Variants in CLGN observed in about 807,000 individuals in gnomAD.
The protein encoded by CLGN is testis tissue sperm-binding protein Li 79P.
Under a neutral mutation model 79.1 loss-of-function variants are expected in CLGN, and 62 were observed. The ratio of observed to expected loss-of-function variants is 0.78; its 90% confidence interval spans 0.64 to 0.97. The LOEUF is 0.97. CLGN is among the 50% of genes least tolerant of loss of function. The pLI is 0.00. For synonymous variants in CLGN, 225 were observed against 224.7 expected, an observed-to-expected ratio of 1.00 and a Z score of -0.01; for missense variants, 647 against 715.5, an observed-to-expected ratio of 0.90 and a Z score of 1.09.
chr4:140,401,875 T>C, intron 6 of CLGN, 110 bp downstream of exon 6: 3 of 638,094 alleles, frequency 4.7e-6, no homozygotes, highest in Non-Finnish European at 8.0e-6. Context: ...AAAAGATATC[T>C]ACAATTCTTT....
At chr4:140,412,600 C>T (rs1187316229) in intron 2 of CLGN, among the ~76,000 whole-genome samples, 2 of 152,106 alleles carry the variant, frequency 1.3e-5, no homozygotes, top group East Asian at 3.9e-4. Context: ...ATTATATAGC[C>T]TTTTATTTGA....
At chr4:140,400,327 T>A (rs1214491041) in intron 7 of CLGN, 30 bp downstream of exon 7, 1 of 1,490,426 alleles carries the variant, frequency 6.7e-7, no homozygotes, top group East Asian at 2.3e-5. Context: ...CAAATATTTT[T>A]GAATACATGA....
chr4:140,422,092 T>C (rs543235705), intron 1 of CLGN, among the ~76,000 whole-genome samples: 65 of 152,278 alleles, frequency 4.3e-4, no homozygotes, highest in Non-Finnish European at 8.4e-4. Context: ...TGAACATATA[T>C]GTGGGAATTT....
rs199546559 is a variant in CLGN at position 140,402,001 on chromosome 4, G to A, written c.485C>T (p.Thr162Ile). The change falls in exon 6 of 15, where the codon ACT (threonine) becomes ATT (isoleucine). Residue 162 changes from threonine to isoleucine, a missense_variant. By Grantham distance (89) the Thr-to-Ile change is moderately conservative. Coordinates refer to ENST00000325617, the MANE Select transcript of CLGN (RefSeq NM_004362.3). ...GGAYIKLLAD[T>I]DDLILENFYD... ...ATATCATACCAGAATCAAATCATCA[G>A]TGTCTGCTAGGAGTTTAATGTATGC... 72 of 1,554,846 alleles carry A rather than the reference G, an allele frequency of 4.6e-5. 1 individual carries two copies. The highest frequency in any genetic ancestry group is 3.7e-4 in the African/African-American group (27 of 72,538).
At chr4:140,421,352 A>AT (rs201739527) in intron 1 of CLGN, among the ~76,000 whole-genome samples, 297 of 150,886 alleles carry the variant, frequency 2.0e-3, no homozygotes, top group African/African-American at 4.6e-3. Context: ...TGATAATTCT[A>AT]TTTTTTTTTG....
chr4:140,400,445 AGTTTTGGGAT>A lies in CLGN; in HGVS notation c.596_605del (p.His199LeufsTer14), dbSNP rs746137588. On this transcript the variant is annotated frameshift_variant, in exon 7 of 15. Transcript: ENST00000325617. LOFTEE classifies it high-confidence loss of function. Reference sequence around the variant, plus strand: ...TGGCATGTTTCTCTTCGAAAACTCCAGTTTTGGGATGTTTATGTCTGAAGATAAAATGAAG... The same window carrying A: ...TGGCATGTTTCTCTTCGAAAACTCCAGTTTATGTCTGAAGATAAAATGAAG... The A allele has an allele frequency of 6.2e-7, 1 of 1,612,402 alleles. No individual in the cohort carries two copies. The highest frequency in any genetic ancestry group is 2.2e-5 in the East Asian group (1 of 44,790).
rs1729422906 is a variant in CLGN, at chr4:140,419,619, G to A, written c.-9-6532C>T. 2.6e-5 allele frequency among the ~76,000 whole-genome samples: 4 copies of A among 152,168 alleles called. No homozygotes were observed. In the South Asian group the frequency reaches 8.3e-4, roughly 32 times the overall value. On this transcript the variant is annotated intron_variant, in intron 1 of 14. Transcript: ENST00000325617. Reference sequence around the variant, plus strand: ...TACTAAAATCAAAGCACATTCAAAAGATCAAACAAATATAGGGCTTATTGT... The same window carrying A: ...TACTAAAATCAAAGCACATTCAAAAAATCAAACAAATATAGGGCTTATTGT...
intron 11 of CLGN, 133 bp downstream of exon 11, chr4:140,393,693 A>G: frequency 1.3e-6 from 1 of 754,862 alleles, no homozygotes; most frequent in East Asian, 2.7e-5. Context: ...AACTTATTCA[A>G]ACACATTTCC....
chr4:140,394,296 C>T (rs1458935214), intron 10 of CLGN, among the ~76,000 whole-genome samples: 5 of 152,026 alleles, frequency 3.3e-5, no homozygotes, highest in Admixed American at 1.3e-4. Context: ...TAAACAGAAA[C>T]GTGAATAAAT....
intron 10 of CLGN, among the ~76,000 whole-genome samples, chr4:140,394,354 TTC>T (rs1728830628): frequency 6.6e-6 from 1 of 152,208 alleles, no homozygotes; most frequent in African/African-American, 2.4e-5. Flanking sequence ...AGTAAAGTTA[TTC>T]ATTGCAAAAT....
intron 1 of CLGN, among the ~76,000 whole-genome samples, chr4:140,417,704 A>C (rs1729371949): frequency 6.6e-6 from 1 of 152,092 alleles, no homozygotes; most frequent in African/African-American, 2.4e-5. Flanking sequence ...ATAAAAGAGG[A>C]CACAAACAAA....
At chr4:140,405,191 AT>A (rs35471612) in intron 5 of CLGN, among the ~76,000 whole-genome samples, 4 of 129,064 alleles carry the variant, frequency 3.1e-5, no homozygotes, top group African/African-American at 8.8e-5. Context: ...TTTTTTTTTT[AT>A]TTTTTTTTTT....
chr4:140,403,127 C>T (rs1181907027), intron 5 of CLGN, among the ~76,000 whole-genome samples: 2 of 152,106 alleles, frequency 1.3e-5, no homozygotes, highest in Non-Finnish European at 2.9e-5. Context: ...TTTTACCATG[C>T]TTTATTTCTT....
intron 4 of CLGN, among the ~76,000 whole-genome samples, chr4:140,408,681 A>C (rs575890658): frequency 1.3e-5 from 2 of 151,958 alleles, no homozygotes; most frequent in South Asian, 4.1e-4. Context: ...AACAATTGGC[A>C]TGGATGTGGT....
Position 140,389,024 on chromosome 4 carries a change from A to G in CLGN, c.*200T>C. 1.8e-6 allele frequency: 1 copy of G among 550,390 alleles called. No individual in the cohort carries two copies. The highest frequency in any genetic ancestry group is 3.2e-6 in the Non-Finnish European group (1 of 308,934). 34.1% of individuals were successfully genotyped at this position (550,390 alleles called of 1,614,324 possible). Reference sequence around the variant, plus strand: ...ATCCGATATGTAATGTGCCACTTTTATTCTAAATTCAAAGATGAGGTAACT... The same window carrying G: ...ATCCGATATGTAATGTGCCACTTTTGTTCTAAATTCAAAGATGAGGTAACT... On this transcript the variant is annotated 3_prime_UTR_variant, in exon 15 of 15. Transcript: ENST00000325617.
intron 1 of CLGN, among the ~76,000 whole-genome samples, chr4:140,414,007 T>A (rs893732173): frequency 6.6e-6 from 1 of 152,218 alleles, no homozygotes; most frequent in African/African-American, 2.4e-5. Context: ...CAGCTGGAGA[T>A]CTGAGAACGG....
chr4:140,408,458 T>A (rs1821088), intron 4 of CLGN, among the ~76,000 whole-genome samples: 127,004 of 152,032 alleles, frequency 0.84, 53,114 homozygotes, highest in African/African-American at 0.85. Context: ...TCCAGAATCA[T>A]GAGACTCAAA....
chr4:140,393,914 T>C lies in CLGN; in HGVS notation c.1277A>G (p.Asn426Ser), dbSNP rs1329504184. ...TTCCTTTTCCGAACAGATAATAAAA[T>C]TATCAAAGTAGATATCAGAGGTCAT... ...WSMTSDIYFD[N>S]FIICSEKEVA... Residue 426 changes from asparagine to serine, a missense_variant, in exon 11 of 15, where the codon AAT becomes AGT. Transcript: ENST00000325617. 6.2e-7 allele frequency: 1 copy of C among 1,613,616 alleles called. No individual in the cohort carries two copies. The highest frequency in any genetic ancestry group is 1.3e-5 in the African/African-American group (1 of 74,896).
chr4:140,394,590 GT>G (rs1359392513), intron 10 of CLGN, among the ~76,000 whole-genome samples: 1 of 152,166 alleles, frequency 6.6e-6, no homozygotes, highest in Non-Finnish European at 1.5e-5. Flanking sequence ...TCACATGTAT[GT>G]ATTCTGGGCC....
Sources: allele counts gnomAD v4.1 joint callset (sites outside exome capture counted in the v4.1 genomes callset), GRCh38; gene constraint gnomAD v4.1.1; transcripts MANE v1.5; gene names NCBI Gene and HGNC (gene_info 2026-07-23, HGNC 2026-07-21).